PPTC7: variants seen among roughly 807,000 people sequenced by gnomAD.
PPTC7 encodes the protein protein phosphatase targeting COQ7.
Under a neutral mutation model 30.8 loss-of-function variants are expected in PPTC7, and 6 were observed. The observed-to-expected ratio is 0.19, with a 90% CI of 0.11 to 0.38. PPTC7 has a LOEUF of 0.38. PPTC7 is among the 10% of genes least tolerant of loss of function. The probability of loss-of-function intolerance (pLI) is 1.00; values close to 1 mark genes in which losing one functional copy is unlikely to be tolerated. For synonymous variants in PPTC7, 163 were observed against 168.1 expected (o/e 0.97, Z 0.23); for missense variants, 218 against 404.8 (o/e 0.54, Z 3.96).
chr12:110,545,510 C>T (rs901081999), intron 3 of PPTC7, among the ~76,000 whole-genome samples: 1 of 152,222 alleles, frequency 6.6e-6, no homozygotes, highest in South Asian at 2.1e-4. Context: ...GTGCTCTTCC[C>T]TAACAATGTA....
At chr12:110,579,155 A>C (rs1315058685) in intron 1 of PPTC7, among the ~76,000 whole-genome samples, 2 of 152,136 alleles carry the variant, frequency 1.3e-5, no homozygotes, top group South Asian at 2.1e-4. Context: ...TCTCAAAAAA[A>C]AAAAAAAGTC....
intron 1 of PPTC7, among the ~76,000 whole-genome samples, chr12:110,581,487 C>G (rs1207730668): frequency 2.0e-5 from 3 of 152,092 alleles, no homozygotes; most frequent in Non-Finnish European, 4.4e-5. Flanking sequence ...AAGACAGCCA[C>G]TGACAGCTGA....
intron 1 of PPTC7, among the ~76,000 whole-genome samples, chr12:110,568,473 C>T (rs888831984): frequency 6.6e-6 from 1 of 151,988 alleles, no homozygotes; most frequent in Admixed American, 6.6e-5. Context: ...AGGATGGTCT[C>T]GATCTCCTGA....
At chr12:110,559,590 G>A (rs1421347356) in intron 1 of PPTC7, among the ~76,000 whole-genome samples, 1 of 151,754 alleles carries the variant, frequency 6.6e-6, no homozygotes, top group Non-Finnish European at 1.5e-5. Flanking sequence ...GCTGGGTGTG[G>A]TGGTGCGTGC....
Position 110,574,141 on chromosome 12 carries a change from TAAAAAAAAAAAAAAAAA to T in PPTC7, c.223+8651_223+8667del, listed in dbSNP as rs58133391. 1.6e-4 allele frequency among the ~76,000 whole-genome samples: 6 copies of T among 37,440 alleles called. No homozygotes were observed. In the South Asian group the frequency reaches 3.9e-3, roughly 25 times the overall value. 24.6% of individuals were successfully genotyped at this position (37,440 alleles called of 152,430 possible). On this transcript the variant is annotated intron_variant, in intron 1 of 5. Transcript: ENST00000354300. ...AGAGAGACTCTGTCTCCACAATAATTAAAAAAAAAAAAAAAAAAAAAAAAAAAAAAAAATTAAAAGCA... is the reference window on the plus strand; with the variant it reads ...AGAGAGACTCTGTCTCCACAATAATTAAAAAAAAAAAAAAAATTAAAAGCA...
chr12:110,550,317 G>A (rs545168294), intron 2 of PPTC7, among the ~76,000 whole-genome samples: 13 of 141,658 alleles, frequency 9.2e-5, no homozygotes, highest in Admixed American at 6.1e-4. Context: ...TGCAAGCTCC[G>A]CCTCCCAGGT....
intron 5 of PPTC7, among the ~76,000 whole-genome samples, chr12:110,537,785 G>A (rs754170546): frequency 2.0e-5 from 3 of 152,228 alleles, no homozygotes; most frequent in Non-Finnish European, 2.9e-5. Flanking sequence ...GAAGGGAGAA[G>A]CGAAATGTCA....
At chr12:110,580,484 G>A (rs1275119430) in intron 1 of PPTC7, among the ~76,000 whole-genome samples, 2 of 151,032 alleles carry the variant, frequency 1.3e-5, no homozygotes, top group East Asian at 2.0e-4. Flanking sequence ...GACTACAGGC[G>A]TGTGCCACCA....
At chr12:110,543,065 C>T (rs554963783) in intron 3 of PPTC7, among the ~76,000 whole-genome samples, 23 of 152,266 alleles carry the variant, frequency 1.5e-4, no homozygotes, top group Middle Eastern at 3.4e-3. Context: ...AATCAGATAC[C>T]GACCCGGAAG....
intron 1 of PPTC7, among the ~76,000 whole-genome samples, chr12:110,567,424 C>T (rs1319134554): frequency 1.3e-5 from 2 of 152,222 alleles, no homozygotes; most frequent in African/African-American, 4.8e-5. Flanking sequence ...TGTTCCCAAA[C>T]TTGATCCTTC....
At chr12:110,573,074 T>C (rs752729062) in intron 1 of PPTC7, among the ~76,000 whole-genome samples, 15 of 152,288 alleles carry the variant, frequency 9.8e-5, no homozygotes, top group Non-Finnish European at 1.6e-4. Context: ...GAGACGGGGT[T>C]TCACCATGTT....
At chr12:110,565,404 C>T (rs1447388293) in intron 1 of PPTC7, among the ~76,000 whole-genome samples, 1 of 151,802 alleles carries the variant, frequency 6.6e-6, no homozygotes, top group Non-Finnish European at 1.5e-5. Context: ...TACAGGCGCC[C>T]ACCACCATGC....
At chr12:110,542,979 G>A (rs2064274564) in intron 3 of PPTC7, among the ~76,000 whole-genome samples, 1 of 152,154 alleles carries the variant, frequency 6.6e-6, no homozygotes, top group African/African-American at 2.4e-5. Flanking sequence ...CTCCTTCCAG[G>A]CCTCCCTGGG....
chr12:110,583,079 G>A lies in PPTC7; in HGVS notation c.-48C>T, dbSNP rs1247736228. 2.3e-6 allele frequency: 3 copies of A among 1,324,422 alleles called. No individual in the cohort carries two copies. In the African/African-American group the frequency reaches 4.8e-5, roughly 21 times the overall value. 82.0% of individuals were successfully genotyped at this position (1,324,422 alleles called of 1,614,324 possible). On this transcript the variant is annotated 5_prime_UTR_variant, in exon 1 of 6. Coordinates refer to ENST00000354300, the MANE Select transcript of PPTC7 (RefSeq NM_139283.2). ...AGGCGGGGGGCCGGGGGAGCAGGAG[G>A]ACGCGGAGGCCCGGAGCCGGCTCTC...
rs150330746 is a variant in PPTC7, at chr12:110,541,413, T to G, written c.603-1468A>C. Among the ~76,000 whole-genome samples, 1,042 of 147,612 alleles carry G rather than the reference T, an allele frequency of 7.1e-3. 1 individual carries two copies. The highest frequency in any genetic ancestry group is 9.5e-3 in the Non-Finnish European group (635 of 67,100). On this transcript the variant is annotated intron_variant, in intron 3 of 5. Transcript: ENST00000354300. ...CAAAGAAAAAGAAAAAGGAAAAAAA[T>G]AATTCATTCACTTGCCAGTCGCAGT...
Position 110,535,748 on chromosome 12 carries a change from T to C in PPTC7, c.*1289A>G, listed in dbSNP as rs2135756068. ...AAGGAAAAAAACTGACCCAAAAATA[T>C]ATATCTTTACAGCAGTCAACTTGTA... On this transcript the variant is annotated 3_prime_UTR_variant, in exon 6 of 6. Transcript: ENST00000354300. 6.5e-6 allele frequency: 1 copy of C among 152,750 alleles called. No homozygotes were observed. Among genetic ancestry groups the C allele is most frequent in the Non-Finnish European group, 1.5e-5 (1 of 68,032 alleles). The allele number at this position is 152,750 out of a possible 1,614,324, so 9.5% of individuals were successfully genotyped here.
chr12:110,538,647 C>CCAA, intron 4 of PPTC7, among the ~76,000 whole-genome samples: 1 of 152,192 alleles, frequency 6.6e-6, no homozygotes, highest in East Asian at 1.9e-4. Flanking sequence ...CCAAGAGCTA[C>CCAA]CAGTTGCTCT....
Position 110,583,157 on chromosome 12 carries a change from T to A in PPTC7, c.-126A>T. On this transcript the variant is annotated 5_prime_UTR_variant, in exon 1 of 6. Coordinates refer to ENST00000354300, the MANE Select transcript of PPTC7 (RefSeq NM_139283.2). ...GGGCGCTCCTCAGGGCGGCGCGCAG[T>A]GGCCGCCGCCGCCCCTGCCCGACGC... 1.8e-6 allele frequency: 1 copy of A among 548,124 alleles called. No individual in the cohort carries two copies. Among genetic ancestry groups the A allele is most frequent in the Non-Finnish European group, 2.5e-6 (1 of 392,440 alleles). The allele number at this position is 548,124 out of a possible 1,614,324, so 34.0% of individuals were successfully genotyped here. A position where few individuals can be genotyped will look rare whatever the true frequency, so the allele number is the denominator to read the frequency against.
At chr12:110,571,964 T>C (rs1468274240) in intron 1 of PPTC7, among the ~76,000 whole-genome samples, 1 of 152,224 alleles carries the variant, frequency 6.6e-6, no homozygotes, top group East Asian at 1.9e-4. Context: ...TTCTAGCTCT[T>C]ATGGAAATAG....
Sources: allele counts gnomAD v4.1 joint callset (sites outside exome capture counted in the v4.1 genomes callset), GRCh38; gene constraint gnomAD v4.1.1; transcripts MANE v1.5; gene names NCBI Gene and HGNC (gene_info 2026-07-23, HGNC 2026-07-21).